Variants in ROBO2 observed in about 807,000 individuals in gnomAD.
ROBO2 encodes roundabout guidance receptor 2.
Under a neutral mutation model 160.8 loss-of-function variants are expected in ROBO2, and 53 were observed. The ratio of observed to expected loss-of-function variants is 0.33; its 90% CI spans 0.26 to 0.41. The LOEUF (loss-of-function observed/expected upper bound fraction) is 0.41, where lower values mean the gene tolerates loss of function less well. ROBO2 is among the 10% of genes least tolerant of loss of function. The pLI is 1.00. For missense variants in ROBO2, 1,577 were observed against 1,722.4 expected, an observed-to-expected ratio of 0.92 and a Z score of 1.49; for synonymous variants, 664 against 611.7, an observed-to-expected ratio of 1.09 and a Z score of -1.26.
chr3:76,406,392 G>A (rs1487592158), intron 2 of ROBO2, among the ~76,000 whole-genome samples: 1 of 151,864 alleles, frequency 6.6e-6, no homozygotes, highest in Non-Finnish European at 1.5e-5. Context: ...AGCAATAGTT[G>A]TAAACAGATG....
chr3:76,735,786 A>AAAAAAAAAAAAAAAAAAAGGGG (rs1553886639), intron 2 of ROBO2, among the ~76,000 whole-genome samples: 1 of 126,600 alleles, frequency 7.9e-6, no homozygotes, highest in African/African-American at 2.9e-5. Flanking sequence ...GAAAAAAAAA[A>AAAAAAAAAAAAAAAAAAAGGGG]GGGGAAAGGG....
chr3:76,357,094 CTAAA>C (rs1212591720), intron 2 of ROBO2, among the ~76,000 whole-genome samples: 24 of 151,398 alleles, frequency 1.6e-4, no homozygotes, highest in African/African-American at 3.4e-4. Flanking sequence ...AAAAAGAGAC[CTAAA>C]TAAATAGTCA....
chr3:76,019,984 C>T (rs760635957), intron 2 of ROBO2, among the ~76,000 whole-genome samples: 10 of 150,514 alleles, frequency 6.6e-5, no homozygotes, highest in Admixed American at 3.3e-4. Flanking sequence ...CCACATGCTT[C>T]GGTTTTCTCT....
intron 2 of ROBO2, among the ~76,000 whole-genome samples, chr3:76,075,896 C>T (rs1279106909): frequency 2.0e-5 from 3 of 152,174 alleles, no homozygotes; most frequent in Admixed American, 6.5e-5. Context: ...GTAACTTGTC[C>T]TAGCTCTAAG....
In ROBO2 at chr3:77,380,633, G is replaced by A. The variant is rs1444506917; in HGVS notation, c.389-96781G>A. Among the ~76,000 whole-genome samples the A allele has an allele frequency of 4.6e-5, 7 of 151,794 alleles. 1 individual carries two copies. The highest frequency in any genetic ancestry group is 6.8e-3 in the Middle Eastern group (2 of 294). Reference sequence around the variant, plus strand: ...GATATCTAAACGTTCTTTGGCTAAAGTGCACCTTCTTTTTTTCTCCCTCTT... The same window carrying A: ...GATATCTAAACGTTCTTTGGCTAAAATGCACCTTCTTTTTTTCTCCCTCTT... On this transcript the variant is annotated intron_variant, in intron 2 of 25. Coordinates refer to ENST00000461745, the Ensembl canonical transcript of ROBO2.
intron 2 of ROBO2, among the ~76,000 whole-genome samples, chr3:76,754,216 C>CA (rs1560503132): frequency 1.3e-5 from 2 of 151,478 alleles, no homozygotes; most frequent in African/African-American, 2.4e-5. Context: ...ACCAAAAATT[C>CA]AAAAAAAGAA....
At chr3:77,414,378 T>C (rs998856326) in intron 2 of ROBO2, among the ~76,000 whole-genome samples, 20 of 152,328 alleles carry the variant, frequency 1.3e-4, no homozygotes, top group African/African-American at 4.1e-4. Flanking sequence ...TAGCAGGTAA[T>C]GATACCACAC....
At chr3:77,330,457 G>A (rs1413667969) in intron 2 of ROBO2, among the ~76,000 whole-genome samples, 1 of 152,208 alleles carries the variant, frequency 6.6e-6, no homozygotes, top group Admixed American at 6.5e-5. Context: ...GGTGGAGGTT[G>A]CTTTCAGCTA....
chr3:77,550,509 A>C (rs936756188), intron 7 of ROBO2, among the ~76,000 whole-genome samples: 6 of 152,054 alleles, frequency 3.9e-5, no homozygotes, highest in African/African-American at 1.4e-4. Flanking sequence ...GATGAAGAAA[A>C]AAGCTTCAAA....
intron 2 of ROBO2, among the ~76,000 whole-genome samples, chr3:75,998,987 T>C: frequency 6.6e-6 from 1 of 152,222 alleles, no homozygotes; most frequent in Non-Finnish European, 1.5e-5. Flanking sequence ...TCGTGATTGT[T>C]AATATGTCCT....
chr3:77,379,293 T>A (rs549297557), intron 2 of ROBO2, among the ~76,000 whole-genome samples: 3 of 152,314 alleles, frequency 2.0e-5, no homozygotes, highest in Admixed American at 2.0e-4. Flanking sequence ...TACCAATACA[T>A]GCATGCCTTT....
intron 2 of ROBO2, among the ~76,000 whole-genome samples, chr3:77,025,752 T>C (rs1248304073): frequency 2.6e-5 from 4 of 152,174 alleles, no homozygotes; most frequent in Non-Finnish European, 4.4e-5. Flanking sequence ...CACGTGCAAA[T>C]CCCTGGAGCA....
chr3:77,612,551 T>C (rs761749488), intron 21 of ROBO2, among the ~76,000 whole-genome samples: 17 of 152,314 alleles, frequency 1.1e-4, no homozygotes, highest in Admixed American at 3.3e-4. Flanking sequence ...GGTAGATGGA[T>C]CTGTGGACAT....
At chr3:77,474,151 A>G (rs1482682526) in intron 2 of ROBO2, among the ~76,000 whole-genome samples, 1 of 152,188 alleles carries the variant, frequency 6.6e-6, no homozygotes, top group African/African-American at 2.4e-5. Context: ...TCCCCTTGTG[A>G]GCCGAAAAGA....
At chr3:76,902,959 A>G (rs2075335788) in intron 2 of ROBO2, among the ~76,000 whole-genome samples, 1 of 151,946 alleles carries the variant, frequency 6.6e-6, no homozygotes, top group African/African-American at 2.4e-5. Context: ...TTACTTGGAT[A>G]ACATTTTCTG....
intron 2 of ROBO2, among the ~76,000 whole-genome samples, chr3:77,116,214 G>A (rs1320663887): frequency 6.6e-6 from 1 of 152,112 alleles, no homozygotes; most frequent in Non-Finnish European, 1.5e-5. Context: ...ATGGCAGTTG[G>A]TCTTTATAAT....
chr3:76,688,513 A>G (rs1414252114), intron 2 of ROBO2, among the ~76,000 whole-genome samples: 1 of 151,606 alleles, frequency 6.6e-6, no homozygotes, highest in East Asian at 1.9e-4. Context: ...TTAGTAACTA[A>G]ACATTAAAGT....
At chr3:77,289,683 G>A (rs1166344031) in intron 2 of ROBO2, among the ~76,000 whole-genome samples, 2 of 150,532 alleles carry the variant, frequency 1.3e-5, no homozygotes, top group Non-Finnish European at 3.0e-5. Context: ...GGGAAGTTGA[G>A]GCTAGAACAC....
intron 2 of ROBO2, among the ~76,000 whole-genome samples, chr3:77,010,845 CCTCCCTCT>C (rs1269545527): frequency 1.3e-4 from 9 of 67,746 alleles, no homozygotes; most frequent in African/African-American, 1.9e-4. Context: ...TCCCTCCCTC[CCTCCCTCT>C]CTCCCTCCCT....
Sources: allele counts gnomAD v4.1 joint callset (sites outside exome capture counted in the v4.1 genomes callset), GRCh38; gene constraint gnomAD v4.1.1; transcripts MANE v1.5; gene names NCBI Gene and HGNC (gene_info 2026-07-23, HGNC 2026-07-21).